The following CTNNBL1 variants were observed in gnomAD, a reference collection of about 807,000 sequenced individuals.
CTNNBL1 encodes the protein beta-catenin-like protein 1.
CTNNBL1 carries 31 observed loss-of-function variants against 72.7 expected under a neutral mutation model. The ratio of observed to expected loss-of-function variants is 0.43; its 90% CI spans 0.32 to 0.58. CTNNBL1 has a LOEUF of 0.58. Among genes scored for constraint, CTNNBL1 ranks in the 20% least tolerant of loss-of-function variants. CTNNBL1 has a pLI of 0.08. For synonymous variants in CTNNBL1, 240 were observed against 267.3 expected (o/e 0.90, Z 1.00); for missense variants, 534 against 725.1 (o/e 0.74, Z 3.03).
chr20:37,818,873 A>T (rs1488635917), intron 11 of CTNNBL1, among the ~76,000 whole-genome samples: 2 of 152,200 alleles, frequency 1.3e-5, no homozygotes, highest in African/African-American at 2.4e-5. Flanking sequence ...CCTCTTATGG[A>T]CTAGCTTTGT....
At chr20:37,723,254 A>G (rs1487604511) in intron 1 of CTNNBL1, among the ~76,000 whole-genome samples, 1 of 152,252 alleles carries the variant, frequency 6.6e-6, no homozygotes, top group East Asian at 1.9e-4. Context: ...CTTTATGACT[A>G]GTGATTTAAA....
chr20:37,787,294 A>G (rs1375157471), intron 10 of CTNNBL1, among the ~76,000 whole-genome samples: 1 of 129,718 alleles, frequency 7.7e-6, no homozygotes, highest in Non-Finnish European at 1.7e-5. Context: ...TTTACTTTTT[A>G]TGTCATTTTG....
intron 4 of CTNNBL1, among the ~76,000 whole-genome samples, chr20:37,752,126 G>T (rs2073324594): frequency 6.6e-6 from 1 of 152,170 alleles, no homozygotes; most frequent in African/African-American, 2.4e-5. Context: ...TCTTGTTTAT[G>T]GGTTTTAGGT....
intron 12 of CTNNBL1, 142 bp from the exon 13 acceptor site, chr20:37,842,197 A>G (rs546386250): frequency 1.6e-6 from 1 of 643,672 alleles, no homozygotes; most frequent in Non-Finnish European, 2.8e-6. Flanking sequence ...CCCTAAGCAA[A>G]GCTTCTCTCA....
At chr20:37,803,605 C>CCTG (rs1410517250) in intron 11 of CTNNBL1, among the ~76,000 whole-genome samples, 8 of 152,202 alleles carry the variant, frequency 5.3e-5, no homozygotes, top group African/African-American at 1.9e-4. Flanking sequence ...TGTCTAGTGG[C>CCTG]CTGCTGCAGC....
intron 9 of CTNNBL1, 84 bp from the exon 10 acceptor site, chr20:37,779,103 A>C (rs2073602128): frequency 7.2e-7 from 1 of 1,383,176 alleles, no homozygotes; most frequent in African/African-American, 1.4e-5. Context: ...GTTATGACCC[A>C]CAGGTTTTAG....
chr20:37,847,938 C>T (rs1450018786), intron 13 of CTNNBL1: 1 of 152,398 alleles, frequency 6.6e-6, no homozygotes, highest in Non-Finnish European at 1.5e-5. Flanking sequence ...CCTTTGCATT[C>T]GAAGCTCATT....
At chr20:37,830,591 C>A (rs911476311) in intron 11 of CTNNBL1, among the ~76,000 whole-genome samples, 5 of 152,178 alleles carry the variant, frequency 3.3e-5, no homozygotes, top group South Asian at 2.1e-4. Context: ...TCTCCCACTT[C>A]CACCTTGGGA....
chr20:37,770,669 C>A (rs2073513976), intron 7 of CTNNBL1, among the ~76,000 whole-genome samples: 1 of 151,992 alleles, frequency 6.6e-6, no homozygotes, highest in Non-Finnish European at 1.5e-5. Context: ...GTTTAGCAAG[C>A]TATTGACTCT....
chr20:37,849,684 T>C (rs1456844387), intron 13 of CTNNBL1, among the ~76,000 whole-genome samples: 2 of 152,220 alleles, frequency 1.3e-5, no homozygotes, highest in African/African-American at 4.8e-5. Context: ...CAGAAAATCT[T>C]CCCTGAGACC....
chr20:37,739,889 A>C (rs1417114826), intron 3 of CTNNBL1, among the ~76,000 whole-genome samples: 1 of 152,196 alleles, frequency 6.6e-6, no homozygotes, highest in African/African-American at 2.4e-5. Context: ...CTAAGGATAC[A>C]TTATGAGGAA....
intron 11 of CTNNBL1, among the ~76,000 whole-genome samples, chr20:37,803,623 C>T (rs1308411571): frequency 6.6e-6 from 1 of 152,186 alleles, no homozygotes; most frequent in African/African-American, 2.4e-5. Context: ...AGCCCTCTCC[C>T]CAGTAAATAG....
chr20:37,736,121 T>C (rs1019953238), intron 2 of CTNNBL1, among the ~76,000 whole-genome samples: 1 of 152,244 alleles, frequency 6.6e-6, no homozygotes, highest in Non-Finnish European at 1.5e-5. Flanking sequence ...TAGCTTTTTT[T>C]TGCATTCTCT....
chr20:37,696,884 T>A (rs1288494671), intron 1 of CTNNBL1, among the ~76,000 whole-genome samples: 1 of 152,160 alleles, frequency 6.6e-6, no homozygotes, highest in Non-Finnish European at 1.5e-5. Flanking sequence ...ATGTGGCTAC[T>A]AGAAAATGTA....
intron 15 of CTNNBL1, among the ~76,000 whole-genome samples, chr20:37,862,962 G>T (rs914376612): frequency 3.3e-5 from 5 of 151,924 alleles, no homozygotes; most frequent in East Asian, 1.9e-4. Context: ...TACTCCTTTT[G>T]TCTGTCTCAT....
chr20:37,737,590 C>T, intron 3 of CTNNBL1, 106 bp downstream of exon 3: 1 of 670,774 alleles, frequency 1.5e-6, no homozygotes, highest in African/African-American at 1.8e-5. Context: ...GCCAGGAATC[C>T]CAGGATGACC....
chr20:37,846,395 T>C (rs1480385505), intron 13 of CTNNBL1, among the ~76,000 whole-genome samples: 2 of 152,072 alleles, frequency 1.3e-5, no homozygotes, highest in East Asian at 3.9e-4. Flanking sequence ...GTTCTCCGAC[T>C]GTGGGCAAAC....
Position 37,722,649 on chromosome 20 carries a change from A to T in CTNNBL1, c.31-10230A>T, listed in dbSNP as rs1318883035. On this transcript the variant is annotated intron_variant, in intron 1 of 15. Transcript: ENST00000361383. Reference sequence around the variant, plus strand: ...TTCCTATCCCTTAGCTTACTAAAGTAAAGTTAGTCCTGTGAGATAGCGAAG... The same window carrying T: ...TTCCTATCCCTTAGCTTACTAAAGTTAAGTTAGTCCTGTGAGATAGCGAAG... Among the ~76,000 whole-genome samples, 3 of 152,184 alleles carry T rather than the reference A, an allele frequency of 2.0e-5. 1 individual carries two copies. The South Asian group carries it at 6.2e-4, about 32-fold the overall frequency.
At chr20:37,808,543 A>G (rs2071980736) in intron 11 of CTNNBL1, among the ~76,000 whole-genome samples, 1 of 152,204 alleles carries the variant, frequency 6.6e-6, no homozygotes, top group South Asian at 2.1e-4. Flanking sequence ...AACAGAATAC[A>G]ATGCTTGTCC....
Sources: gnomAD v4.1 joint callset for allele counts (sites outside exome capture counted in the v4.1 genomes callset) on GRCh38, gnomAD v4.1.1 for gene constraint, MANE v1.5 for transcripts, NCBI Gene and HGNC (gene_info 2026-07-23, HGNC 2026-07-21) for gene names.